ENPEP: variants seen among roughly 807,000 people sequenced by gnomAD.
ENPEP encodes AP-A.
Under a neutral mutation model 114.5 loss-of-function variants are expected in ENPEP, and 103 were observed. That is an observed-to-expected ratio of 0.90 (90% CI 0.77 to 1.06). ENPEP has a LOEUF of 1.06. Among genes scored for constraint, ENPEP ranks in the 50% least tolerant of loss-of-function variants. The pLI is 0.00. For missense variants in ENPEP, 1,196 were observed against 1,161.3 expected (o/e 1.03, Z -0.43); for synonymous variants, 420 against 422.0 (o/e 1.00, Z 0.06).
intron 1 of ENPEP, among the ~76,000 whole-genome samples, chr4:110,486,288 G>A (rs1724497239): frequency 6.6e-6 from 1 of 152,054 alleles, no homozygotes; most frequent in Admixed American, 6.6e-5. Context: ...TCAAATCCTT[G>A]GCTGTAGTAA....
chr4:110,496,088 G>C (rs1267910713), intron 3 of ENPEP, among the ~76,000 whole-genome samples: 1 of 152,168 alleles, frequency 6.6e-6, no homozygotes, highest in African/African-American at 2.4e-5. Context: ...CTGAATAATT[G>C]CATCTAGGAT....
chr4:110,538,927 C>A (rs774177531), intron 11 of ENPEP, among the ~76,000 whole-genome samples: 3 of 151,972 alleles, frequency 2.0e-5, no homozygotes, highest in Admixed American at 6.6e-5. Context: ...GAATGGCCAG[C>A]TGGTGGAGCA....
At chr4:110,515,327 T>C in intron 7 of ENPEP, 50 bp from the exon 8 acceptor site, 7 of 1,454,466 alleles carry the variant, frequency 4.8e-6, no homozygotes, top group Non-Finnish European at 6.7e-6. Context: ...TGATCATTGT[T>C]CCTTACATAG....
At chr4:110,478,636 G>A (rs1724199936) in intron 1 of ENPEP, among the ~76,000 whole-genome samples, 1 of 152,038 alleles carries the variant, frequency 6.6e-6, no homozygotes, top group Non-Finnish European at 1.5e-5. Flanking sequence ...ACAGGGTCTT[G>A]CTATGTTGCC....
intron 3 of ENPEP, among the ~76,000 whole-genome samples, chr4:110,493,019 A>C (rs912282126): frequency 1.3e-5 from 2 of 152,212 alleles, no homozygotes; most frequent in East Asian, 3.9e-4. Context: ...ACAAAGTCTC[A>C]TAGGTAAGAA....
intron 18 of ENPEP, among the ~76,000 whole-genome samples, chr4:110,556,870 G>C (rs961882876): frequency 6.6e-6 from 1 of 152,124 alleles, no homozygotes; most frequent in African/African-American, 2.4e-5. Context: ...CACCTACTCT[G>C]TGCTAGGCAT....
intron 1 of ENPEP, among the ~76,000 whole-genome samples, chr4:110,483,877 C>T (rs1039387521): frequency 1.3e-5 from 2 of 152,184 alleles, no homozygotes; most frequent in Non-Finnish European, 2.9e-5. Context: ...ATTGTTATCT[C>T]TTATTCCTTG....
At chr4:110,533,969 G>A (rs1171996890) in intron 11 of ENPEP, among the ~76,000 whole-genome samples, 1 of 152,310 alleles carries the variant, frequency 6.6e-6, no homozygotes. Context: ...TCAGAATCAT[G>A]TCTGGTCACT....
intron 11 of ENPEP, among the ~76,000 whole-genome samples, chr4:110,531,856 T>C (rs1259352187): frequency 6.6e-6 from 1 of 152,184 alleles, no homozygotes; most frequent in East Asian, 1.9e-4. Context: ...TTATATTTTT[T>C]CCATTGTATT....
chr4:110,518,353 T>C (rs1245679789), intron 8 of ENPEP, among the ~76,000 whole-genome samples: 1 of 152,168 alleles, frequency 6.6e-6, no homozygotes, highest in Non-Finnish European at 1.5e-5. Flanking sequence ...GGAAAATGTC[T>C]TTTCCCTTCT....
intron 11 of ENPEP, chr4:110,533,326 T>C (rs1726474957): frequency 6.2e-6 from 1 of 161,796 alleles, no homozygotes; most frequent in Admixed American, 6.3e-5. Flanking sequence ...ATATTTGGAA[T>C]AATAAATTTA....
At chr4:110,525,481 C>A (rs1726161607) in intron 10 of ENPEP, among the ~76,000 whole-genome samples, 1 of 150,068 alleles carries the variant, frequency 6.7e-6, no homozygotes, top group African/African-American at 2.5e-5. Context: ...AGAATCTTCA[C>A]CCGTTCCCAC....
At chr4:110,524,051 C>G (rs1305242672) in intron 10 of ENPEP, among the ~76,000 whole-genome samples, 1 of 151,854 alleles carries the variant, frequency 6.6e-6, no homozygotes, top group East Asian at 1.9e-4. Context: ...CAATTACAAA[C>G]TACAGAAAAT....
In ENPEP at chr4:110,563,927, C is replaced by G. The variant is rs759267604; in HGVS notation, c.*2369C>G. 1.3e-5 allele frequency: 2 copies of G among 152,082 alleles called. No homozygotes were observed. The highest frequency in any genetic ancestry group is 2.9e-5 in the Non-Finnish European group (2 of 68,010). 9.4% of individuals were successfully genotyped at this position (152,082 alleles called of 1,614,324 possible). ...TAATGATACTCCTACAGCTTACCCT[C>G]CAAGTTGGTGAAGTGTTAGTCCAAA... On this transcript the variant is annotated 3_prime_UTR_variant, in exon 20 of 20. Transcript: ENST00000265162.
chr4:110,523,865 G>A (rs1726097267), intron 10 of ENPEP, among the ~76,000 whole-genome samples: 1 of 152,122 alleles, frequency 6.6e-6, no homozygotes, highest in Non-Finnish European at 1.5e-5. Flanking sequence ...GCTTGAAAAT[G>A]CTCCTGATGG....
Position 110,549,561 on chromosome 4 carries a change from C to A in ENPEP, c.2259C>A (p.Cys753Ter). Residue 753 changes from cysteine (C) to a stop codon, truncating the protein, a stop_gained, in exon 16 of 20, where the codon TGC (cysteine) becomes TGA (stop). Coordinates refer to ENST00000265162, the MANE Select transcript of ENPEP (RefSeq NM_001977.4). LOFTEE classifies it high-confidence loss of function. ...GTTCCTCCGTGTTAGGGTTTGCGTG[C>A]AAGATGGGAGACAGAGAAGCCTTGA... Reference protein sequence around the residue: ...LLRSSVLGFACKMGDREALNN... With the variant: ...LLRSSVLGFA 6.2e-7 allele frequency: 1 copy of A among 1,613,546 alleles called. No homozygotes were observed. Among genetic ancestry groups the A allele is most frequent in the South Asian group, 1.1e-5 (1 of 91,070 alleles).
At chr4:110,493,335 A>G (rs145925021) in intron 3 of ENPEP, among the ~76,000 whole-genome samples, 2,172 of 152,336 alleles carry the variant, frequency 0.014, 59 homozygotes, top group African/African-American at 0.049. Context: ...AACTAAGAGC[A>G]TAACATTTTG....
chr4:110,542,653 TC>T, intron 11 of ENPEP, 97 bp from the exon 12 acceptor site: 1 of 1,246,668 alleles, frequency 8.0e-7, no homozygotes. Flanking sequence ...AGCTAATATT[TC>T]TTTTCTTTTA....
chr4:110,522,526 A>G (rs968186636), intron 10 of ENPEP, among the ~76,000 whole-genome samples: 2 of 152,180 alleles, frequency 1.3e-5, no homozygotes, highest in African/African-American at 4.8e-5. Flanking sequence ...GGAGGCAAAT[A>G]ATATCAAATA....
Sources: gnomAD v4.1 joint callset for allele counts (sites outside exome capture counted in the v4.1 genomes callset) on GRCh38, gnomAD v4.1.1 for gene constraint, MANE v1.5 for transcripts, NCBI Gene and HGNC (gene_info 2026-07-23, HGNC 2026-07-21) for gene names.